RPGRIP1: variants seen among roughly 807,000 people sequenced by gnomAD.
The protein encoded by RPGRIP1 is X-linked retinitis pigmentosa GTPase regulator-interacting protein 1.
A neutral mutation model predicts 157.9 loss-of-function variants in RPGRIP1; 128 were observed. The ratio of observed to expected loss-of-function variants is 0.81; its 90% CI spans 0.70 to 0.94. RPGRIP1 has a LOEUF of 0.94. Ranked by LOEUF, RPGRIP1 falls within the 40% of genes least tolerant of loss-of-function variation. The pLI is 0.00. For missense variants in RPGRIP1, 1,486 were observed against 1,545.8 expected, an observed-to-expected ratio of 0.96 and a Z score of 0.65; for synonymous variants, 554 against 571.6, an observed-to-expected ratio of 0.97 and a Z score of 0.44.
At chr14:21,292,508 C>A (rs1037417340) in intron 2 of RPGRIP1, among the ~76,000 whole-genome samples, 2 of 152,052 alleles carry the variant, frequency 1.3e-5, no homozygotes, top group Non-Finnish European at 2.9e-5. Flanking sequence ...ATCACTTGAG[C>A]CCAGCCTGGG....
At chr14:21,328,743 C>T in intron 19 of RPGRIP1, 116 bp downstream of exon 19, 2 of 751,918 alleles carry the variant, frequency 2.7e-6, no homozygotes, top group Non-Finnish European at 4.3e-6. Flanking sequence ...CACTAATCGG[C>T]CGGGCATGGT....
intron 6 of RPGRIP1, among the ~76,000 whole-genome samples, chr14:21,307,078 T>C (rs1025700927): frequency 3.3e-5 from 5 of 151,186 alleles, no homozygotes; most frequent in African/African-American, 1.2e-4. Context: ...TCGGCCACTA[T>C]TGTTATTTTT....
intron 6 of RPGRIP1, among the ~76,000 whole-genome samples, chr14:21,307,388 A>G (rs1008436010): frequency 9.9e-5 from 15 of 152,226 alleles, no homozygotes; most frequent in African/African-American, 3.6e-4. Flanking sequence ...AGCACGTTCA[A>G]ACCTCACTGG....
In RPGRIP1 at chr14:21,348,257, C is replaced by A. The variant is rs1181177963; in HGVS notation, c.3703C>A (p.Gln1235Lys). The change falls in exon 24 of 25, where the codon CAG becomes AAG. Residue 1235 changes from glutamine (Q) to lysine (K), a missense_variant. Gln to Lys is a moderately conservative substitution (Grantham distance 53, BLOSUM62 1). Coordinates refer to ENST00000400017, the MANE Select transcript of RPGRIP1 (RefSeq NM_020366.4). Reference sequence around the variant, plus strand: ...GGGATATGCATATCTTCAACTGTGGCAGATCCTGGAGTCAGGAAGAGATAT... The same window carrying A: ...GGGATATGCATATCTTCAACTGTGGAAGATCCTGGAGTCAGGAAGAGATAT... ...EVGYAYLQLW[Q>K]ILESGRDILE... is the part of the protein sequence containing the mutation. 1.3e-6 allele frequency: 2 copies of A among 1,590,698 alleles called. No individual in the cohort carries two copies. The highest frequency in any genetic ancestry group is 1.7e-6 in the Non-Finnish European group (2 of 1,167,954).
Position 21,342,934 on chromosome 14 carries a change from T to C in RPGRIP1, c.3340-102T>C, listed in dbSNP as rs1885165415. ...TAATATAGTAGATAGATTATACCTATGGTTGATTTCTAGAGAGTACCGTAA... is the reference window on the plus strand; with the variant it reads ...TAATATAGTAGATAGATTATACCTACGGTTGATTTCTAGAGAGTACCGTAA... On this transcript the variant is annotated intron_variant, in intron 21 of 24. Transcript: ENST00000400017. 1.1e-5 allele frequency: 9 copies of C among 784,710 alleles called. No homozygotes were observed. The South Asian group carries it at 1.7e-4, about 14-fold the overall frequency. The allele number at this position is 784,710 out of a possible 1,614,324, so 48.6% of individuals were successfully genotyped here. A position where few individuals can be genotyped will look rare whatever the true frequency, so the allele number is the denominator to read the frequency against.
At chr14:21,326,234 A>T (rs1883092064) in intron 17 of RPGRIP1, 61 bp downstream of exon 17, 3 of 1,126,916 alleles carry the variant, frequency 2.7e-6, no homozygotes, top group Admixed American at 5.1e-5. Context: ...CCCTGTCCTG[A>T]TTCTACTTTT....
At chr14:21,350,819 GCA>G (rs2139384809) in intron 24 of RPGRIP1, among the ~76,000 whole-genome samples, 1 of 152,196 alleles carries the variant, frequency 6.6e-6, no homozygotes, top group South Asian at 2.1e-4. Context: ...ATTTGTATGT[GCA>G]CAGGGAAAAT....
intron 21 of RPGRIP1, among the ~76,000 whole-genome samples, chr14:21,338,913 C>T (rs57499532): frequency 1.4e-4 from 22 of 151,956 alleles, no homozygotes; most frequent in East Asian, 1.9e-4. Flanking sequence ...TCGAGGCGGG[C>T]GGATCACCTG....
intron 6 of RPGRIP1, 58 bp from the exon 7 acceptor site, chr14:21,307,673 A>G: frequency 2.6e-6 from 3 of 1,147,242 alleles, no homozygotes; most frequent in Non-Finnish European, 3.8e-6. Flanking sequence ...AGTCAAGGAG[A>G]AAATGTCTTT....
At chr14:21,328,670 G>A (rs773453834) in intron 19 of RPGRIP1, 43 bp downstream of exon 19, 5 of 1,343,644 alleles carry the variant, frequency 3.7e-6, no homozygotes, top group Admixed American at 1.7e-5. Context: ...GTGGGTTGTA[G>A]TGTCCCCAGA....
At chr14:21,329,336 A>G (rs1329571464) in intron 19 of RPGRIP1, among the ~76,000 whole-genome samples, 1 of 151,828 alleles carries the variant, frequency 6.6e-6, no homozygotes, top group East Asian at 2.0e-4. Context: ...TAAAAATAAG[A>G]TAAGCCATAA....
chr14:21,299,906 C>A (rs1213721079), intron 3 of RPGRIP1, among the ~76,000 whole-genome samples: 4 of 152,190 alleles, frequency 2.6e-5, no homozygotes, highest in Admixed American at 6.6e-5. Flanking sequence ...GCTGCTTTCT[C>A]ACTGTGTCTT....
intron 3 of RPGRIP1, among the ~76,000 whole-genome samples, chr14:21,297,597 A>G (rs1467378103): frequency 6.6e-6 from 1 of 152,204 alleles, no homozygotes; most frequent in Admixed American, 6.6e-5. Context: ...CTTCCAGCCA[A>G]GGACCACCAG....
intron 6 of RPGRIP1, among the ~76,000 whole-genome samples, chr14:21,304,016 A>T (rs1302676604): frequency 1.3e-5 from 2 of 149,530 alleles, no homozygotes; most frequent in African/African-American, 2.5e-5. Flanking sequence ...AGAAAAGAAA[A>T]GAAATGAATT....
chr14:21,348,773 CTCCTGCCTCAGCT>C (rs1362626213), intron 24 of RPGRIP1, among the ~76,000 whole-genome samples: 2 of 147,768 alleles, frequency 1.4e-5, no homozygotes, highest in Admixed American at 7.0e-5. Context: ...TCCAGCTGTT[CTCCTGCCTCAGCT>C]TCCTGCCTCA....
At position 21,301,189 on chromosome 14, in the gene RPGRIP1, A is replaced by T. The variant is rs1324633537; in HGVS notation, c.442A>T (p.Arg148Ter). The T allele has an allele frequency of 1.3e-6, 2 of 1,595,382 alleles. No individual in the cohort carries two copies. The highest frequency in any genetic ancestry group is 2.7e-5 in the African/African-American group (2 of 74,544). ...RAQPRVQVGH[R>*]QLHTAGAPVP... ...CCAGCCTCGCGTCCAAGTGGGACAC[A>T]GACAGCTCCACACAGCCGGTGCACC... The change falls in exon 4 of 25, where the codon AGA (arginine) becomes TGA (stop). Residue 148 changes from arginine to a stop codon, truncating the protein, a stop_gained. Coordinates refer to ENST00000400017, the MANE Select transcript of RPGRIP1 (RefSeq NM_020366.4). LOFTEE classifies it high-confidence loss of function.
At chr14:21,305,877 A>G (rs865928761) in intron 6 of RPGRIP1, among the ~76,000 whole-genome samples, 10 of 151,952 alleles carry the variant, frequency 6.6e-5, no homozygotes, top group Non-Finnish European at 2.9e-5. Flanking sequence ...AAAACAAAAC[A>G]AAACAAAAAA....
At chr14:21,317,541 T>G in intron 10 of RPGRIP1, 155 bp from the exon 11 acceptor site, 3 of 1,512,446 alleles carry the variant, frequency 2.0e-6, no homozygotes, top group Non-Finnish European at 2.7e-6. Flanking sequence ...TCCAAGGCAG[T>G]TGGTAAATGA....
intron 10 of RPGRIP1, 93 bp downstream of exon 10, chr14:21,312,599 G>A: frequency 1.4e-6 from 1 of 694,932 alleles, no homozygotes; most frequent in Non-Finnish European, 2.4e-6. Context: ...AATATATGGG[G>A]AAATTGGTAC....
Sources: allele counts gnomAD v4.1 joint callset (sites outside exome capture counted in the v4.1 genomes callset), GRCh38; gene constraint gnomAD v4.1.1; transcripts MANE v1.5; gene names NCBI Gene and HGNC (gene_info 2026-07-23, HGNC 2026-07-21).